Variants in NECAB1 observed in about 807,000 individuals in gnomAD.
The protein encoded by NECAB1 is N-terminal EF-hand calcium binding protein 1.
A neutral mutation model predicts 57.5 loss-of-function variants in NECAB1; 29 were observed. That is an observed-to-expected ratio of 0.50 (90% CI 0.38 to 0.69). The LOEUF is 0.69. NECAB1 is among the 30% of genes least tolerant of loss of function. The pLI, the probability that NECAB1 is intolerant of heterozygous loss-of-function variation, is 0.00. For synonymous variants in NECAB1, 142 were observed against 147.7 expected (o/e 0.96, Z 0.28); for missense variants, 372 against 413.8 (o/e 0.90, Z 0.88).
chr8:90,872,318 C>A, intron 4 of NECAB1, 165 bp downstream of exon 4: 1 of 551,344 alleles, frequency 1.8e-6, no homozygotes, highest in Non-Finnish European at 3.1e-6. Flanking sequence ...GAATTTTGCT[C>A]AAGTATGTAT....
At chr8:90,817,123 G>A (rs535213322) in intron 2 of NECAB1, among the ~76,000 whole-genome samples, 1 of 151,710 alleles carries the variant, frequency 6.6e-6, no homozygotes. Context: ...GCTGAAATAA[G>A]TAAAGCAATT....
intron 3 of NECAB1, among the ~76,000 whole-genome samples, chr8:90,856,107 A>G (rs1156927823): frequency 6.6e-6 from 1 of 152,124 alleles, no homozygotes; most frequent in Non-Finnish European, 1.5e-5. Context: ...AGCTTGAGGA[A>G]TCTTCTGGAA....
intron 7 of NECAB1, among the ~76,000 whole-genome samples, chr8:90,927,204 C>CCCTTTTTT (rs1810294246): frequency 7.6e-6 from 1 of 131,130 alleles, no homozygotes; most frequent in Non-Finnish European, 1.6e-5. Flanking sequence ...TTTTCTCTCT[C>CCCTTTTTT]TTTTTTTTTT....
At chr8:90,828,770 C>A (rs1420290584) in intron 3 of NECAB1, among the ~76,000 whole-genome samples, 2 of 151,928 alleles carry the variant, frequency 1.3e-5, no homozygotes, top group Admixed American at 1.3e-4. Context: ...GAACAAAAGA[C>A]CAGCTTCTTT....
chr8:90,823,867 C>T (rs2129705112), intron 2 of NECAB1, among the ~76,000 whole-genome samples: 1 of 151,938 alleles, frequency 6.6e-6, no homozygotes, highest in East Asian at 1.9e-4. Flanking sequence ...GCTTCCCTCT[C>T]TTTTCTCATC....
intron 2 of NECAB1, among the ~76,000 whole-genome samples, chr8:90,812,489 A>ACATT (rs1811979242): frequency 6.6e-6 from 1 of 152,184 alleles, no homozygotes; most frequent in Non-Finnish European, 1.5e-5. Flanking sequence ...AAACTAATAC[A>ACATT]CATTCATTCC....
chr8:90,857,801 C>T (rs889854158), intron 3 of NECAB1, among the ~76,000 whole-genome samples: 1 of 152,000 alleles, frequency 6.6e-6, no homozygotes, highest in African/African-American at 2.4e-5. Flanking sequence ...GGAGAATTTA[C>T]AATAATTAGT....
intron 3 of NECAB1, among the ~76,000 whole-genome samples, chr8:90,870,934 A>G (rs1025469584): frequency 1.1e-4 from 16 of 152,216 alleles, no homozygotes; most frequent in African/African-American, 3.4e-4. Context: ...AAAAATATTC[A>G]TTTAGTTATG....
intron 6 of NECAB1, among the ~76,000 whole-genome samples, chr8:90,918,245 C>T (rs1488521545): frequency 6.6e-6 from 1 of 151,672 alleles, no homozygotes; most frequent in East Asian, 1.9e-4. Flanking sequence ...CTCCTAACCT[C>T]AGATGATCCA....
chr8:90,829,009 G>A (rs1812265217), intron 3 of NECAB1, among the ~76,000 whole-genome samples: 1 of 151,884 alleles, frequency 6.6e-6, no homozygotes, highest in Non-Finnish European at 1.5e-5. Context: ...TTATTTCTGG[G>A]CCAAATATGC....
chr8:90,951,318 TATTTC>T (rs1810921157), intron 12 of NECAB1, 114 bp downstream of exon 12: 1 of 582,946 alleles, frequency 1.7e-6, no homozygotes, highest in Admixed American at 3.9e-5. Context: ...CTCTCTTATT[TATTTC>T]TTTATATATT....
rs184137952 is a variant in NECAB1 at position 90,866,982 on chromosome 8, G to A, written c.234-5146G>A. 2.1e-3 allele frequency among the ~76,000 whole-genome samples: 314 copies of A among 152,254 alleles called. 2 individuals are homozygous for A. Among genetic ancestry groups the A allele is most frequent in the Non-Finnish European group, 3.5e-3 (237 of 68,010 alleles). ...GTTTATTGCAACACTGTTCACAATAGCAAAGACTTGGAACCAACCCAAATG... is the reference window on the plus strand; with the variant it reads ...GTTTATTGCAACACTGTTCACAATAACAAAGACTTGGAACCAACCCAAATG... On this transcript the variant is annotated intron_variant, in intron 3 of 12. Coordinates refer to ENST00000417640, the MANE Select transcript of NECAB1 (RefSeq NM_022351.5).
At chr8:90,793,321 C>A (rs1811607807) in intron 1 of NECAB1, among the ~76,000 whole-genome samples, 1 of 152,198 alleles carries the variant, frequency 6.6e-6, no homozygotes, top group Non-Finnish European at 1.5e-5. Context: ...TGTGTACTGG[C>A]AGCCTTCACC....
chr8:90,917,700 G>T, intron 6 of NECAB1, 72 bp downstream of exon 6: 1 of 1,411,170 alleles, frequency 7.1e-7, no homozygotes, highest in Non-Finnish European at 9.5e-7. Flanking sequence ...GAGAGGCATT[G>T]TACTTACACT....
rs1237481779 is a variant in NECAB1, at chr8:90,957,161, C to CTGAT, written c.*1652_*1655dup. ...ACAGACACATAACAGTCTCTGCAGA[C>CTGAT]TGATTGTATATAGTAAGAAAAGATC... On this transcript the variant is annotated 3_prime_UTR_variant, in exon 13 of 13. Transcript: ENST00000417640. 1.2e-4 allele frequency: 18 copies of CTGAT among 151,954 alleles called. No homozygotes were observed. The highest frequency in any genetic ancestry group is 1.1e-3 in the Admixed American group (17 of 15,216). The allele number at this position is 151,954 out of a possible 1,614,324, so 9.4% of individuals were successfully genotyped here. A position where few individuals can be genotyped will look rare whatever the true frequency, so the allele number is the denominator to read the frequency against.
intron 10 of NECAB1, among the ~76,000 whole-genome samples, chr8:90,949,116 C>CTCAAACT (rs1254869586): frequency 1.3e-5 from 2 of 151,176 alleles, no homozygotes; most frequent in African/African-American, 4.9e-5. Flanking sequence ...AATATGGACT[C>CTCAAACT]TCAAACTTCA....
intron 2 of NECAB1, among the ~76,000 whole-genome samples, chr8:90,803,050 T>A (rs1323638669): frequency 6.6e-6 from 1 of 152,010 alleles, no homozygotes; most frequent in Non-Finnish European, 1.5e-5. Context: ...GCACACTCCA[T>A]CACACCCGGC....
chr8:90,895,094 C>T (rs995176746), intron 5 of NECAB1, among the ~76,000 whole-genome samples: 9 of 152,068 alleles, frequency 5.9e-5, no homozygotes, highest in Non-Finnish European at 1.2e-4. Flanking sequence ...CATATGATTG[C>T]ATAGAGGCAC....
At chr8:90,904,765 A>G (rs1469731036) in intron 5 of NECAB1, among the ~76,000 whole-genome samples, 2 of 152,040 alleles carry the variant, frequency 1.3e-5, no homozygotes, top group South Asian at 2.1e-4. Context: ...AACCTAATTT[A>G]TGATGGATCT....
Sources: gnomAD v4.1 joint callset for allele counts (sites outside exome capture counted in the v4.1 genomes callset) on GRCh38, gnomAD v4.1.1 for gene constraint, MANE v1.5 for transcripts, NCBI Gene and HGNC (gene_info 2026-07-23, HGNC 2026-07-21) for gene names.